GRIN2A: variants seen among roughly 807,000 people sequenced by gnomAD.
GRIN2A encodes the protein glutamate receptor ionotropic, NMDA 2A.
Under a neutral mutation model 113.4 loss-of-function variants are expected in GRIN2A, and 22 were observed. The observed-to-expected ratio is 0.19, with a 90% CI of 0.14 to 0.28. The LOEUF is 0.28. GRIN2A is among the 10% of genes least tolerant of loss of function. GRIN2A has a pLI of 1.00. For missense variants in GRIN2A, 1,502 were observed against 1,887.0 expected, an observed-to-expected ratio of 0.80 and a Z score of 3.78; for synonymous variants, 827 against 738.4, an observed-to-expected ratio of 1.12 and a Z score of -1.94.
intron 2 of GRIN2A, among the ~76,000 whole-genome samples, chr16:10,171,248 C>T (rs1211356551): frequency 6.6e-6 from 1 of 152,210 alleles, no homozygotes; most frequent in Non-Finnish European, 1.5e-5. Flanking sequence ...TACTGCAACT[C>T]CCAGATCCTT....
At chr16:10,128,614 A>C (rs1186941132) in intron 2 of GRIN2A, among the ~76,000 whole-genome samples, 1 of 152,196 alleles carries the variant, frequency 6.6e-6, no homozygotes, top group African/African-American at 2.4e-5. Context: ...AGCATGAATC[A>C]TGTGTGCCTG....
chr16:10,070,452 C>G (rs934325141), intron 2 of GRIN2A, among the ~76,000 whole-genome samples: 2 of 152,182 alleles, frequency 1.3e-5, no homozygotes, highest in African/African-American at 2.4e-5. Flanking sequence ...TTGAGAATCA[C>G]TGGTCCACAG....
intron 10 of GRIN2A, among the ~76,000 whole-genome samples, chr16:9,800,201 C>T (rs1903276567): frequency 6.6e-6 from 1 of 152,094 alleles, no homozygotes; most frequent in African/African-American, 2.4e-5. Context: ...TCTTGAACTC[C>T]TGGCCTCAAG....
chr16:10,162,726 G>T (rs1162749467), intron 2 of GRIN2A, among the ~76,000 whole-genome samples: 1 of 152,200 alleles, frequency 6.6e-6, no homozygotes, highest in East Asian at 1.9e-4. Flanking sequence ...GATACTAGGG[G>T]TTAGGACCCA....
intron 10 of GRIN2A, among the ~76,000 whole-genome samples, chr16:9,816,897 A>G (rs550003129): frequency 2.4e-4 from 37 of 152,346 alleles, no homozygotes; most frequent in Non-Finnish European, 4.0e-4. Flanking sequence ...GCATTAGCCT[A>G]GAAACCTGGG....
intron 11 of GRIN2A, among the ~76,000 whole-genome samples, chr16:9,789,472 A>G (rs1201896411): frequency 3.9e-5 from 6 of 151,960 alleles, no homozygotes; most frequent in African/African-American, 1.4e-4. Flanking sequence ...GCTGACTATT[A>G]TGTGGGAACG....
intron 2 of GRIN2A, among the ~76,000 whole-genome samples, chr16:10,147,344 G>A (rs1331252884): frequency 6.7e-6 from 1 of 150,266 alleles, no homozygotes; most frequent in Non-Finnish European, 1.5e-5. Flanking sequence ...AATTGTAGAA[G>A]TGTACTGTAA....
chr16:9,895,617 G>A (rs1460864701), intron 3 of GRIN2A, among the ~76,000 whole-genome samples: 2 of 152,212 alleles, frequency 1.3e-5, no homozygotes, highest in East Asian at 3.8e-4. Context: ...GCAACAGGTG[G>A]AATGAAGAGA....
rs761726612 is a variant in GRIN2A, at chr16:9,763,497, C to T, written c.4047G>A (p.Glu1349=). Reference sequence around the variant, plus strand: ...AGAGAGACTTGCTCCTCTTGCTGTCCTCCAGACCTTGGGGGAAAAGGGAGC... The same window carrying T: ...AGAGAGACTTGCTCCTCTTGCTGTCTTCCAGACCTTGGGGGAAAAGGGAGC... The part of the protein sequence containing the change: ...KKSSLFPQGL[E]DSKRSKSLLP... The change falls in exon 13 of 13, where the codon GAG becomes GAA. Residue 1349 remains glutamate (E), a synonymous_variant. Transcript: ENST00000330684. 6 of 1,614,048 alleles carry T rather than the reference C, an allele frequency of 3.7e-6. No homozygotes were observed. The highest frequency in any genetic ancestry group is 2.5e-6 in the Non-Finnish European group (3 of 1,180,000).
At chr16:9,904,370 TTTTTC>T (rs1176287480) in intron 3 of GRIN2A, among the ~76,000 whole-genome samples, 2 of 152,090 alleles carry the variant, frequency 1.3e-5, no homozygotes, top group Non-Finnish European at 2.9e-5. Context: ...TTTCTTTTTC[TTTTTC>T]TTTTCTTTTC....
At position 9,840,832 on chromosome 16, in the gene GRIN2A, AAGAGAG is replaced by A. The variant is rs111268758; in HGVS notation, c.1498-38_1498-33del. The A allele has an allele frequency of 1.1e-5, 13 of 1,231,962 alleles. No individual in the cohort carries two copies. The African/African-American group carries it at 2.0e-4, about 19-fold the overall frequency. The allele number at this position is 1,231,962 out of a possible 1,614,324, so 76.3% of individuals were successfully genotyped here. ...GCAAGGCAAAAAAAAAAAAAAAAAA[AAGAGAG>A]AGAGAGAACAACAGTACTTTACTTT... On this transcript the variant is annotated intron_variant, in intron 6 of 12. Coordinates refer to ENST00000330684, the MANE Select transcript of GRIN2A (RefSeq NM_001134407.3).
intron 2 of GRIN2A, among the ~76,000 whole-genome samples, chr16:10,095,134 G>A (rs1190595912): frequency 1.3e-5 from 2 of 152,142 alleles, no homozygotes; most frequent in Non-Finnish European, 2.9e-5. Flanking sequence ...AAGGCCATAT[G>A]AGCACACAGA....
At position 9,930,712 on chromosome 16, in the gene GRIN2A, G is replaced by A. The variant is rs953259030; in HGVS notation, c.1007+7247C>T. Among the ~76,000 whole-genome samples, 4 of 152,262 alleles carry A rather than the reference G, an allele frequency of 2.6e-5. No homozygotes were observed. The South Asian group carries it at 8.3e-4, about 32-fold the overall frequency. Reference sequence around the variant, plus strand: ...CAAGCTCAGAGAATTAACTGAGCAGGCATTTCTATTGGCATTACAAAAAAC... The same window carrying A: ...CAAGCTCAGAGAATTAACTGAGCAGACATTTCTATTGGCATTACAAAAAAC... On this transcript the variant is annotated intron_variant, in intron 3 of 12. Transcript: ENST00000330684.
At chr16:9,853,404 G>A (rs1305803542) in intron 4 of GRIN2A, among the ~76,000 whole-genome samples, 1 of 152,136 alleles carries the variant, frequency 6.6e-6, no homozygotes, top group Non-Finnish European at 1.5e-5. Flanking sequence ...TTTTATGAAA[G>A]AGGCCCCAGA....
chr16:9,787,021 C>G (rs1033124870), intron 11 of GRIN2A, among the ~76,000 whole-genome samples: 1 of 152,148 alleles, frequency 6.6e-6, no homozygotes, highest in African/African-American at 2.4e-5. Context: ...GGCAGAACAT[C>G]ACATGACAGA....
intron 10 of GRIN2A, 106 bp downstream of exon 10, chr16:9,822,158 C>T: frequency 1.7e-6 from 2 of 1,201,834 alleles, no homozygotes; most frequent in Non-Finnish European, 2.5e-6. Flanking sequence ...CAGTCACTCT[C>T]CAGAAATACA....
chr16:10,151,505 C>T (rs2049572326), intron 2 of GRIN2A, among the ~76,000 whole-genome samples: 1 of 152,134 alleles, frequency 6.6e-6, no homozygotes, highest in African/African-American at 2.4e-5. Context: ...CTCCATGGTT[C>T]CCTAGGGACT....
intron 2 of GRIN2A, among the ~76,000 whole-genome samples, chr16:9,946,267 T>A (rs1263294596): frequency 2.0e-5 from 3 of 152,122 alleles, no homozygotes; most frequent in Non-Finnish European, 2.9e-5. Flanking sequence ...AACAGGGTCA[T>A]TAGCAATTAT....
chr16:9,833,018 G>T (rs1189853631), intron 8 of GRIN2A, among the ~76,000 whole-genome samples: 1 of 152,092 alleles, frequency 6.6e-6, no homozygotes. Context: ...GCTTTTTGGG[G>T]GATATGAGAC....
Sources: allele counts gnomAD v4.1 joint callset (sites outside exome capture counted in the v4.1 genomes callset), GRCh38; gene constraint gnomAD v4.1.1; transcripts MANE v1.5; gene names NCBI Gene and HGNC (gene_info 2026-07-23, HGNC 2026-07-21).